Variants in C2CD4D observed in about 807,000 individuals in gnomAD.
The protein encoded by C2CD4D is C2 calcium-dependent domain-containing protein 4D.
Under a neutral mutation model 0.2 loss-of-function variants are expected in C2CD4D, and 1 was observed. That is an observed-to-expected ratio of 4.00 (90% CI 1.42 to 18.99). The LOEUF is 18.99. Ranked by LOEUF, C2CD4D falls within the 30% of genes most tolerant of loss-of-function variation. C2CD4D has a pLI of 0.11. For missense variants in C2CD4D, 552 were observed against 551.2 expected (o/e 1.00, Z -0.01); for synonymous variants, 269 against 279.8 (o/e 0.96, Z 0.39).
exon 2 of C2CD4D, chr1:151,837,861 G>A: frequency 1.4e-6 from 2 of 1,435,440 alleles, no homozygotes; most frequent in Non-Finnish European, 1.8e-6. Context: ...AATACAAGCC[G>A]GGCAGGGTGG....
chr1:151,838,664 C>T, exon 2 of C2CD4D: 1 of 1,366,130 alleles, frequency 7.3e-7, no homozygotes, highest in Non-Finnish European at 9.4e-7. Flanking sequence ...AGGTGGCGGC[C>T]CGTGGAACAG....
rs1393486592 is a variant in C2CD4D, at chr1:151,838,152, A to G, written c.838T>C (p.Cys280Arg). ...TCGTTGAAGATGGGGTTGGCGCTGC[A>G]CTTGACCACGCGGCTCTGCTGCTCC... The change falls in exon 2 of 2, where the codon TGC becomes CGC. Residue 280 changes from cysteine (C) to arginine (R), a missense_variant. Coordinates refer to ENST00000454109, the Ensembl canonical transcript of C2CD4D. The G allele has an allele frequency of 5.8e-6, 9 of 1,551,158 alleles. 1 individual carries two copies. The East Asian group carries it at 2.0e-4, about 34-fold the overall frequency.
exon 1 of C2CD4D, chr1:151,840,486 G>A (rs539854822): frequency 6.6e-6 from 1 of 152,428 alleles, no homozygotes; most frequent in Non-Finnish European, 1.5e-5. Flanking sequence ...GGCCCCCAGT[G>A]CCCTGTTCTG....
exon 2 of C2CD4D, chr1:151,838,856 G>C: frequency 6.5e-7 from 1 of 1,531,696 alleles, no homozygotes; most frequent in Non-Finnish European, 8.8e-7. Flanking sequence ...GATGCGATCC[G>C]GGGTGAGGAC....
chr1:151,838,734 C>A lies in C2CD4D; in HGVS notation c.256G>T (p.Ala86Ser), dbSNP rs781095843. The A allele has an allele frequency of 3.4e-3, 4,591 of 1,333,450 alleles. 16 individuals carry two copies. The highest frequency in any genetic ancestry group is 4.0e-3 in the Non-Finnish European group (4,189 of 1,046,674). 82.6% of individuals were successfully genotyped at this position (1,333,450 alleles called of 1,614,324 possible). The change falls in exon 2 of 2, where the codon GCG becomes TCG. Residue 86 changes from alanine to serine, a missense_variant. Physicochemically the swap from Ala to Ser is moderately conservative, Grantham distance 99. Coordinates refer to ENST00000454109, the Ensembl canonical transcript of C2CD4D. The stretch of plus-strand genomic sequence containing the variant: ...AGGAAGGCCCAGCCTTCGCGGCCCG[C>A]CAGGTGAGGCAGCGAGCAGGTCGCG...
exon 2 of C2CD4D, chr1:151,838,335 C>G: frequency 7.1e-7 from 1 of 1,414,596 alleles, no homozygotes; most frequent in Non-Finnish European, 9.3e-7. Flanking sequence ...CGCAGCTGCC[C>G]GCCGCGGGGC....
exon 2 of C2CD4D, chr1:151,838,250 G>A (rs1295214326): frequency 7.5e-7 from 1 of 1,327,330 alleles, no homozygotes; most frequent in Non-Finnish European, 9.6e-7. Context: ...GCGGGACCGC[G>A]GCCGGGGCAG....
chr1:151,839,945 C>A (rs1232147173), intron 1 of C2CD4D, among the ~76,000 whole-genome samples, 125 bp from the exon 1 acceptor site: 3 of 152,206 alleles, frequency 2.0e-5, no homozygotes, highest in African/African-American at 7.2e-5. Flanking sequence ...CGGAAGGCTC[C>A]GCCACCACGC....
rs1358151264 is a variant in C2CD4D at position 151,838,682 on chromosome 1, C to T, written c.308G>A (p.Arg103Gln). 7 of 1,373,082 alleles carry T rather than the reference C, an allele frequency of 5.1e-6. 1 individual carries two copies. The highest frequency in any genetic ancestry group is 2.6e-4 in the Middle Eastern group (1 of 3,828). 85.1% of individuals were successfully genotyped at this position (1,373,082 alleles called of 1,614,324 possible). Residue 103 changes from arginine (R) to glutamine (Q), a missense_variant, in exon 2 of 2, where the codon CGG (arginine) becomes CAG (glutamine). Arg to Gln is a conservative substitution (Grantham distance 43, BLOSUM62 1). Coordinates refer to ENST00000454109, the Ensembl canonical transcript of C2CD4D. The stretch of plus-strand genomic sequence containing the variant: ...TGGCGGCCCGTGGAACAGGGATTCC[C>T]GCCGGCGCGTGTGCGGGCTCTCGGG...
At chr1:151,838,629 C>A in exon 2 of C2CD4D, 1 of 1,320,896 alleles carries the variant, frequency 7.6e-7, no homozygotes, top group South Asian at 2.1e-5. Flanking sequence ...CGGGACTGCG[C>A]CGCGGGGAGT....
chr1:151,838,705 G>A (rs758488906), exon 2 of C2CD4D: 800 of 1,371,474 alleles, frequency 5.8e-4, no homozygotes, highest in Non-Finnish European at 7.1e-4. Context: ...GCGGGCTCTC[G>A]GGCAGGAAGG....
At position 151,839,240 on chromosome 1, in the gene C2CD4D, G is replaced by C. The variant is rs1652705188; in HGVS notation, c.-231-20C>G. The C allele has an allele frequency of 1.9e-6, 1 of 528,060 alleles. No individual in the cohort carries two copies. 32.7% of individuals were successfully genotyped at this position (528,060 alleles called of 1,614,324 possible). ...GGGGGGCTGGGGAGAAATGGAGGGA[G>C]CAAAGGGCCAGTCAGTCACATTTTC... is the stretch of plus-strand genomic sequence containing the variant. On this transcript the variant is annotated intron_variant, in intron 1 of 1. Coordinates refer to ENST00000454109, the Ensembl canonical transcript of C2CD4D.
At chr1:151,838,019 T>A in exon 2 of C2CD4D, 1 of 1,551,118 alleles carries the variant, frequency 6.4e-7, no homozygotes, top group Non-Finnish European at 8.7e-7. Context: ...CGTCTCGCAC[T>A]CCCCCAGCAG....
At chr1:151,837,881 G>A (rs1326530219) in exon 2 of C2CD4D, 1 of 1,454,368 alleles carries the variant, frequency 6.9e-7, no homozygotes, top group East Asian at 2.5e-5. Flanking sequence ...GAAAGAATGT[G>A]GACTGCAGAC....
At chr1:151,838,618 C>T (rs1652664137) in exon 2 of C2CD4D, 16 of 1,316,972 alleles carry the variant, frequency 1.2e-5, no homozygotes, top group Non-Finnish European at 1.5e-5. Flanking sequence ...AGACGTGCAG[C>T]CGGGACTGCG....
exon 2 of C2CD4D, chr1:151,838,080 T>C: frequency 6.4e-7 from 1 of 1,551,436 alleles, no homozygotes; most frequent in South Asian, 1.2e-5. Flanking sequence ...GCTCTCAGGC[T>C]GCGGGCGGCC....
chr1:151,838,189 G>C, exon 2 of C2CD4D: 1 of 1,549,792 alleles, frequency 6.5e-7, no homozygotes, highest in South Asian at 1.2e-5. Context: ...GCGGCCGGAC[G>C]CGGGGCCGCA....
Position 151,838,485 on chromosome 1 carries a change from G to C in C2CD4D, c.505C>G (p.Leu169Val), listed in dbSNP as rs754762655. 8 of 1,397,384 alleles carry C rather than the reference G, an allele frequency of 5.7e-6. No individual in the cohort carries two copies. The African/African-American group carries it at 9.0e-5, about 16-fold the overall frequency. The allele number at this position is 1,397,384 out of a possible 1,614,324, so 86.6% of individuals were successfully genotyped here. Residue 169 changes from leucine (L) to valine (V), a missense_variant, in exon 2 of 2, where the codon CTG becomes GTG. Coordinates refer to ENST00000454109, the Ensembl canonical transcript of C2CD4D. ...GCCGAGCTCGCTTTTTCTGGGGACA[G>C]AGAGTGAGGCCTGGACACCCGGCGC...
exon 2 of C2CD4D, chr1:151,838,696 C>T: frequency 2.2e-6 from 3 of 1,372,002 alleles, no homozygotes; most frequent in Admixed American, 3.0e-5. Context: ...GGCGCGTGTG[C>T]GGGCTCTCGG....
Sources: allele counts gnomAD v4.1 joint callset (sites outside exome capture counted in the v4.1 genomes callset), GRCh38; gene constraint gnomAD v4.1.1; transcripts MANE v1.5; gene names NCBI Gene and HGNC (gene_info 2026-07-23, HGNC 2026-07-21).